The following SLC26A4 variants were observed in gnomAD, a reference collection of about 807,000 sequenced individuals.
The protein encoded by SLC26A4 is pendrin.
SLC26A4 carries 93 observed loss-of-function variants against 90.4 expected under a neutral mutation model. That is an observed-to-expected ratio of 1.03 (90% CI 0.87 to 1.22). The LOEUF is 1.22. SLC26A4 is among the 50% of genes most tolerant of loss of function. The probability of loss-of-function intolerance (pLI) is 0.00; values close to 1 mark genes in which losing one functional copy is unlikely to be tolerated. For missense variants in SLC26A4, 1,127 were observed against 946.2 expected (o/e 1.19, Z -2.51); for synonymous variants, 393 against 354.6 (o/e 1.11, Z -1.22).
chr7:107,709,415 G>C (rs1401247946), intron 18 of SLC26A4, among the ~76,000 whole-genome samples: 1 of 152,100 alleles, frequency 6.6e-6, no homozygotes, highest in African/African-American at 2.4e-5. Flanking sequence ...TGAGACTATA[G>C]GTGCACAACC....
At chr7:107,692,104 C>T in intron 10 of SLC26A4, 1 of 1,287,822 alleles carries the variant, frequency 7.8e-7, no homozygotes. Context: ...AAAGTGACCT[C>T]CTTGGCACAG....
At chr7:107,704,924 T>G (rs1397483053) in intron 18 of SLC26A4, among the ~76,000 whole-genome samples, 1 of 152,228 alleles carries the variant, frequency 6.6e-6, no homozygotes, top group Non-Finnish European at 1.5e-5. Context: ...TGATTTTTAG[T>G]CTTGTCTGTT....
At chr7:107,688,511 G>A (rs77174067) in intron 8 of SLC26A4, among the ~76,000 whole-genome samples, 5,916 of 152,250 alleles carry the variant, frequency 0.039, 174 homozygotes, top group Non-Finnish European at 0.059. Context: ...TCACTATGGA[G>A]CGTTGTGATA....
chr7:107,666,398 T>G (rs1281579730), intron 3 of SLC26A4, among the ~76,000 whole-genome samples: 1 of 152,050 alleles, frequency 6.6e-6, no homozygotes, highest in Non-Finnish European at 1.5e-5. Context: ...ATTTTTGTAT[T>G]TTTTGTAGAG....
intron 3 of SLC26A4, among the ~76,000 whole-genome samples, chr7:107,670,411 CGG>C (rs1790831637): frequency 6.6e-6 from 1 of 151,930 alleles, no homozygotes; most frequent in African/African-American, 2.4e-5. Context: ...CCGGTCCCTC[CGG>C]CTTTTTTTAA....
At chr7:107,677,499 G>C (rs985716757) in intron 6 of SLC26A4, among the ~76,000 whole-genome samples, 1 of 151,876 alleles carries the variant, frequency 6.6e-6, no homozygotes, top group African/African-American at 2.4e-5. Context: ...TCATTTCCTC[G>C]GGACCCAGCC....
chr7:107,664,183 C>T (rs2701687), intron 3 of SLC26A4, among the ~76,000 whole-genome samples: 79,698 of 152,136 alleles, frequency 0.52, 25,002 homozygotes, highest in South Asian at 0.77. Flanking sequence ...ATGATTGCAG[C>T]ACATTAAATT....
intron 3 of SLC26A4, among the ~76,000 whole-genome samples, chr7:107,671,353 T>C (rs1242121440): frequency 6.6e-6 from 1 of 151,834 alleles, no homozygotes; most frequent in Non-Finnish European, 1.5e-5. Flanking sequence ...AGAGATGGAG[T>C]CTTGCTATGT....
intron 16 of SLC26A4, 24 bp from the exon 17 acceptor site, chr7:107,701,803 G>C: frequency 7.2e-7 from 1 of 1,390,256 alleles, no homozygotes; most frequent in Non-Finnish European, 1.0e-6. Flanking sequence ...TGACAATTAA[G>C]TTGACAGTGT....
At chr7:107,696,937 T>C (rs998981344) in intron 13 of SLC26A4, among the ~76,000 whole-genome samples, 1 of 152,186 alleles carries the variant, frequency 6.6e-6, no homozygotes, top group Non-Finnish European at 1.5e-5. Context: ...ATAGATGTCT[T>C]CAGCTTAGCA....
At position 107,680,326 on chromosome 7, in the gene SLC26A4, C is replaced by G. The variant is rs1463039703; in HGVS notation, c.766-2876C>G. On this transcript the variant is annotated intron_variant, in intron 6 of 20. Transcript: ENST00000644269. ...ATATAATCTTATATTATTATATAAT[C>G]TTATCTTATTATATAATGTTATATT... Among the ~76,000 whole-genome samples, 111 of 134,730 alleles carry G rather than the reference C, an allele frequency of 8.2e-4. 1 individual carries two copies. Among genetic ancestry groups the G allele is most frequent in the African/African-American group, 3.0e-3 (108 of 36,428 alleles). 88.4% of individuals were successfully genotyped at this position (134,730 alleles called of 152,430 possible).
intron 20 of SLC26A4, among the ~76,000 whole-genome samples, chr7:107,713,897 GTAT>G (rs1055597775): frequency 3.9e-5 from 5 of 127,002 alleles, no homozygotes; most frequent in East Asian, 2.4e-4. Flanking sequence ...ACATAATTTT[GTAT>G]TATTATTAGT....
At chr7:107,702,471 C>T (rs1004488079) in intron 17 of SLC26A4, among the ~76,000 whole-genome samples, 1 of 152,048 alleles carries the variant, frequency 6.6e-6, no homozygotes, top group African/African-American at 2.4e-5. Context: ...GCAGGTGGAT[C>T]ATGAGGTCAG....
intron 10 of SLC26A4, chr7:107,693,576 T>C (rs748901850): frequency 9.1e-6 from 9 of 985,402 alleles, no homozygotes; most frequent in Non-Finnish European, 1.1e-5. Flanking sequence ...ATCTTGGCTC[T>C]GCCCCAGCTG....
At chr7:107,696,189 C>G in intron 13 of SLC26A4, 150 bp downstream of exon 13, 1 of 700,560 alleles carries the variant, frequency 1.4e-6, no homozygotes, top group South Asian at 1.5e-5. Flanking sequence ...CAGTGTTTTA[C>G]AGACATACTT....
At chr7:107,693,971 A>G (rs1562835112) in intron 10 of SLC26A4, among the ~76,000 whole-genome samples, 1 of 152,238 alleles carries the variant, frequency 6.6e-6, no homozygotes, top group Non-Finnish European at 1.5e-5. Flanking sequence ...TCAATAATGC[A>G]GAAAAATCAG....
Position 107,661,838 on chromosome 7 carries a change from CG to C in SLC26A4, c.164+35del. ...CCGCGCGGGCCTGCGTAGAGAGAAG[CG>C]GAGCGGGGCGTCCACGCCTTGGGGA... On this transcript the variant is annotated intron_variant, in intron 2 of 20. Coordinates refer to ENST00000644269, the MANE Select transcript of SLC26A4 (RefSeq NM_000441.2). This position sits in a 1 kb window ranked among gnomAD's most constrained non-coding sequence, Gnocchi z 5.1. The C allele has an allele frequency of 6.6e-7, 1 of 1,524,210 alleles. No individual in the cohort carries two copies. The highest frequency in any genetic ancestry group is 8.8e-7 in the Non-Finnish European group (1 of 1,138,938). 94.4% of individuals were successfully genotyped at this position (1,524,210 alleles called of 1,614,324 possible). A position where few individuals can be genotyped will look rare whatever the true frequency, so the allele number is the denominator to read the frequency against.
At chr7:107,690,782 T>C (rs935290165) in intron 10 of SLC26A4, among the ~76,000 whole-genome samples, 2 of 152,140 alleles carry the variant, frequency 1.3e-5, no homozygotes, top group Admixed American at 1.3e-4. Flanking sequence ...GTTCTGCATG[T>C]GGGTTTAATC....
intron 2 of SLC26A4, chr7:107,662,028 G>C: frequency 1.7e-6 from 1 of 591,220 alleles, no homozygotes; most frequent in Non-Finnish European, 3.0e-6. Flanking sequence ...ACTTACCTGG[G>C]AAACTCGCCT....
Sources: gnomAD v4.1 joint callset for allele counts (sites outside exome capture counted in the v4.1 genomes callset) on GRCh38, gnomAD v4.1.1 for gene constraint, Gnocchi (gnomAD v3.1) non-coding constraint, MANE v1.5 for transcripts, NCBI Gene and HGNC (gene_info 2026-07-23, HGNC 2026-07-21) for gene names.